ABCC1: variants seen among roughly 807,000 people sequenced by gnomAD.
ABCC1 encodes the protein multidrug resistance-associated protein 1.
Under a neutral mutation model 172.9 loss-of-function variants are expected in ABCC1, and 83 were observed. That is an observed-to-expected ratio of 0.48 (90% confidence interval 0.40 to 0.58). The LOEUF (loss-of-function observed/expected upper bound fraction) is 0.58. Ranked by LOEUF, ABCC1 falls within the 20% of genes least tolerant of loss-of-function variation. The pLI is 0.00. For synonymous variants in ABCC1, 937 were observed against 825.2 expected, an observed-to-expected ratio of 1.14 and a Z score of -2.32; for missense variants, 1,817 against 2,002.7, an observed-to-expected ratio of 0.91 and a Z score of 1.77.
intron 1 of ABCC1, among the ~76,000 whole-genome samples, chr16:15,954,661 C>T (rs1412849796): frequency 6.6e-6 from 1 of 152,134 alleles, no homozygotes; most frequent in African/African-American, 2.4e-5. Flanking sequence ...GCCACAGGGG[C>T]CCTGCAGAAG....
At position 16,079,476 on chromosome 16, in the gene ABCC1, A is replaced by G; in HGVS notation, c.2113A>G (p.Lys705Glu). Residue 705 changes from lysine to glutamate, a missense_variant and splice_region_variant, in exon 16 of 31, where the codon AAG becomes GAG. Around this residue, in one of 3 missense-constraint regions of ABCC1, gnomAD observed 1,412 missense variants for 1,600.3 expected, o/e 0.88. Transcript: ENST00000399410. ...CAAAGTGGAGGGGCACGTGGCTATC[A>G]AGGTAGGATGAGGACCAGCGGGGAG... is the stretch of plus-strand genomic sequence containing the variant. ...MDKVEGHVAI[K>E]GSVAYVPQQA... 1.9e-6 allele frequency: 3 copies of G among 1,611,536 alleles called. No homozygotes were observed. The highest frequency in any genetic ancestry group is 1.1e-5 in the South Asian group (1 of 90,852).
intron 12 of ABCC1, among the ~76,000 whole-genome samples, chr16:16,066,204 C>T (rs192689877): frequency 6.6e-6 from 1 of 151,624 alleles, no homozygotes; most frequent in African/African-American, 2.4e-5. Flanking sequence ...TTTTTTGAGA[C>T]GAAGTGTCTC....
chr16:15,994,177 G>A (rs1253830593), intron 1 of ABCC1, among the ~76,000 whole-genome samples: 1 of 152,146 alleles, frequency 6.6e-6, no homozygotes, highest in Non-Finnish European at 1.5e-5. Flanking sequence ...CTGTGATGGT[G>A]CCAGTGTACT....
chr16:16,072,479 C>G (rs35618), intron 14 of ABCC1, among the ~76,000 whole-genome samples: 95,159 of 145,382 alleles, frequency 0.65, 31,462 homozygotes, highest in Non-Finnish European at 0.69. Flanking sequence ...GCCAGTTCTC[C>G]TGGCCTTTTT....
At chr16:16,106,128 C>T (rs1390362465) in intron 20 of ABCC1, among the ~76,000 whole-genome samples, 1 of 152,002 alleles carries the variant, frequency 6.6e-6, no homozygotes, top group Non-Finnish European at 1.5e-5. Context: ...CCGCCCACCT[C>T]GGCCTCCCAA....
chr16:16,141,129 T>A (rs997418408), intron 30 of ABCC1, 44 bp from the exon 31 acceptor site: 1 of 1,566,920 alleles, frequency 6.4e-7, no homozygotes, highest in South Asian at 1.1e-5. Context: ...CACGAGGTGC[T>A]CACCCCTCCC....
chr16:16,112,260 G>A (rs983617151), intron 22 of ABCC1, among the ~76,000 whole-genome samples: 1 of 152,056 alleles, frequency 6.6e-6, no homozygotes, highest in African/African-American at 2.4e-5. Flanking sequence ...TACTTGGGCA[G>A]CTGAGGTCAC....
chr16:15,950,431 C>T (rs2045843430), intron 1 of ABCC1, among the ~76,000 whole-genome samples: 1 of 152,082 alleles, frequency 6.6e-6, no homozygotes, highest in South Asian at 2.1e-4. Context: ...CCTACCTGAC[C>T]CTCGGCTCGG....
chr16:16,125,782 A>C, intron 25 of ABCC1, 28 bp from the exon 26 acceptor site: 1 of 1,551,300 alleles, frequency 6.4e-7, no homozygotes. Flanking sequence ...CTTACTCTAG[A>C]AATGCCACGT....
chr16:16,078,920 G>A lies in ABCC1; in HGVS notation c.1989-432G>A, dbSNP rs118088240. On this transcript the variant is annotated intron_variant, in intron 15 of 30. Coordinates refer to ENST00000399410, the MANE Select transcript of ABCC1 (RefSeq NM_004996.4). The stretch of plus-strand genomic sequence containing the variant: ...TCTCGAGCTCCTGACCTCGTGATCC[G>A]CCTGCGTTGGCCTCCCAAAGTGCTG... Among the ~76,000 whole-genome samples, 1,177 of 152,230 alleles carry A rather than the reference G, an allele frequency of 7.7e-3. 11 individuals carry two copies. The highest frequency in any genetic ancestry group is 0.024 in the African/African-American group (1,006 of 41,538).
intron 1 of ABCC1, among the ~76,000 whole-genome samples, chr16:15,967,326 C>A (rs2046265355): frequency 6.6e-6 from 1 of 152,016 alleles, no homozygotes; most frequent in African/African-American, 2.4e-5. Context: ...TGTTATAGAG[C>A]ATCTGTCTGT....
rs993356479 is a variant in ABCC1 at position 15,951,144 on chromosome 16, C to T, written c.48+1345C>T. ...GCTTCCTTGTTGCCAGGTGTAGTAA[C>T]AGCAAGATTATTTTTTGCAAAGATT... On this transcript the variant is annotated intron_variant, in intron 1 of 30. Coordinates refer to ENST00000399410, the MANE Select transcript of ABCC1 (RefSeq NM_004996.4). Among the ~76,000 whole-genome samples, 3 of 152,120 alleles carry T rather than the reference C, an allele frequency of 2.0e-5. No individual in the cohort carries two copies. The East Asian group carries it at 5.8e-4, about 29-fold the overall frequency.
At chr16:16,013,270 G>GC (rs1555482295) in intron 3 of ABCC1, among the ~76,000 whole-genome samples, 1 of 145,798 alleles carries the variant, frequency 6.9e-6, no homozygotes, top group Non-Finnish European at 1.5e-5. Context: ...GCCAGCACAT[G>GC]TTTTTTTTTT....
chr16:16,040,359 C>T (rs1239172446), intron 7 of ABCC1, among the ~76,000 whole-genome samples: 1 of 151,918 alleles, frequency 6.6e-6, no homozygotes, highest in Non-Finnish European at 1.5e-5. Flanking sequence ...GCTGTCTTGG[C>T]TCACTGCAAC....
chr16:16,070,489 C>T (rs2050301512), intron 13 of ABCC1, among the ~76,000 whole-genome samples: 1 of 152,068 alleles, frequency 6.6e-6, no homozygotes, highest in African/African-American at 2.4e-5. Context: ...ACGGTGAAAC[C>T]CTGTCTCTGC....
chr16:15,992,226 C>CA (rs1218280956), intron 1 of ABCC1, among the ~76,000 whole-genome samples: 2 of 133,782 alleles, frequency 1.5e-5, no homozygotes, highest in Non-Finnish European at 3.3e-5. Context: ...AAAACAAACT[C>CA]AGGGCTCCCA....
chr16:16,117,793 C>G (rs1309779946), intron 23 of ABCC1, among the ~76,000 whole-genome samples: 1 of 152,212 alleles, frequency 6.6e-6, no homozygotes, highest in African/African-American at 2.4e-5. Context: ...ATAGTCCCAG[C>G]TGCTCTGAAG....
At chr16:16,001,411 A>G (rs900408431) in intron 1 of ABCC1, among the ~76,000 whole-genome samples, 4 of 151,804 alleles carry the variant, frequency 2.6e-5, no homozygotes, top group South Asian at 4.2e-4. Flanking sequence ...ACGGGGTTTC[A>G]CTGTGGTCTC....
At chr16:16,138,996 C>T (rs1379035877) in intron 30 of ABCC1, among the ~76,000 whole-genome samples, 1 of 152,206 alleles carries the variant, frequency 6.6e-6, no homozygotes. Flanking sequence ...AGGCATGAAC[C>T]GCTGTGCCCA....
Sources: allele counts gnomAD v4.1 joint callset (sites outside exome capture counted in the v4.1 genomes callset), GRCh38; gene constraint gnomAD v4.1.1; regional missense constraint gnomAD v4.1.1; transcripts MANE v1.5; gene names NCBI Gene and HGNC (gene_info 2026-07-23, HGNC 2026-07-21).